Variants in BPTF observed in about 807,000 individuals in gnomAD.
The protein encoded by BPTF is bromodomain PHD finger transcription factor.
Under a neutral mutation model 292.5 loss-of-function variants are expected in BPTF, and 18 were observed. That is an observed-to-expected ratio of 0.06 (90% confidence interval 0.04 to 0.09). The LOEUF is 0.09. Ranked by LOEUF, BPTF falls within the 10% of genes least tolerant of loss-of-function variation. The pLI, the probability that BPTF is intolerant of heterozygous loss-of-function variation, is 1.00. For missense variants in BPTF, 2,726 were observed against 3,498.7 expected (o/e 0.78, Z 5.57); for synonymous variants, 1,225 against 1,251.9 (o/e 0.98, Z 0.45).
rs78127682 is a variant in BPTF at position 67,859,431 on chromosome 17, C to T, written c.1436+4669C>T. Reference sequence around the variant, plus strand: ...AAAATCATAGGGTTACAGGCCTGAGCCACCATGCCCTGCCTTGCAGGCACT... The same window carrying T: ...AAAATCATAGGGTTACAGGCCTGAGTCACCATGCCCTGCCTTGCAGGCACT... On this transcript the variant is annotated intron_variant, in intron 2 of 27. Coordinates refer to ENST00000306378, the MANE Select transcript of BPTF (RefSeq NM_182641.4). 3.9e-4 allele frequency among the ~76,000 whole-genome samples: 59 copies of T among 152,338 alleles called. No homozygotes were observed. The East Asian group carries it at 0.01, about 27-fold the overall frequency.
Position 67,944,528 on chromosome 17 carries a change from GC to G in BPTF, c.6700+157del, listed in dbSNP as rs1296462955. 9 of 765,388 alleles carry G rather than the reference GC, an allele frequency of 1.2e-5. No individual in the cohort carries two copies. The African/African-American group carries it at 1.6e-4, about 13-fold the overall frequency. 47.4% of individuals were successfully genotyped at this position (765,388 alleles called of 1,614,324 possible). A position where few individuals can be genotyped will look rare whatever the true frequency, so the allele number is the denominator to read the frequency against. On this transcript the variant is annotated intron_variant, in intron 20 of 27. Coordinates refer to ENST00000306378, the MANE Select transcript of BPTF (RefSeq NM_182641.4). ...ATAGTCAGCCTCACAACGTCTCGAA[GC>G]TTTTGTACCCTATTCTTACAGACTC...
intron 1 of BPTF, among the ~76,000 whole-genome samples, chr17:67,831,797 T>G (rs2056706075): frequency 6.6e-6 from 1 of 152,132 alleles, no homozygotes; most frequent in Non-Finnish European, 1.5e-5. Flanking sequence ...CTTCCCTGAG[T>G]CCTGTTTTGC....
At chr17:67,961,441 A>G (rs769959435) in intron 24 of BPTF, among the ~76,000 whole-genome samples, 1 of 151,332 alleles carries the variant, frequency 6.6e-6, no homozygotes, top group East Asian at 2.1e-4. Flanking sequence ...ACTGAAATTC[A>G]AGTCCTGAAC....
At chr17:67,857,994 G>T (rs1309520640) in intron 2 of BPTF, among the ~76,000 whole-genome samples, 1 of 150,792 alleles carries the variant, frequency 6.6e-6, no homozygotes, top group Non-Finnish European at 1.5e-5. Flanking sequence ...CACCATATTG[G>T]CCAGGCTGGT....
chr17:67,886,375 TTGTGTG>T, intron 4 of BPTF: 1 of 1,221,690 alleles, frequency 8.2e-7, no homozygotes. Context: ...TTTCTTTTTT[TTGTGTG>T]TGTGTGTGTG....
chr17:67,918,636 T>G, intron 11 of BPTF, 78 bp from the exon 12 acceptor site: 1 of 1,364,352 alleles, frequency 7.3e-7, no homozygotes, highest in African/African-American at 1.4e-5. Flanking sequence ...GCCCTTCAGT[T>G]TAGTAGAGTG....
At chr17:67,968,687 C>G (rs1247068274) in intron 26 of BPTF, among the ~76,000 whole-genome samples, 1 of 150,656 alleles carries the variant, frequency 6.6e-6, no homozygotes, top group Non-Finnish European at 1.5e-5. Flanking sequence ...ACTCAGGAGG[C>G]TGAGGCAGGA....
At chr17:67,875,963 C>T (rs1294215590) in intron 4 of BPTF, among the ~76,000 whole-genome samples, 1 of 152,114 alleles carries the variant, frequency 6.6e-6, no homozygotes, top group Non-Finnish European at 1.5e-5. Context: ...GCTTCTTAAA[C>T]TTCATTTAGC....
Position 67,959,644 on chromosome 17 carries a change from C to CTCCAGCCCT in BPTF, c.8038_8039insTTCCAGCCC (p.Ala2679_Pro2680insLeuProAla). On this transcript the variant is annotated inframe_insertion, in exon 24 of 28. Transcript: ENST00000306378. Reference sequence around the variant, plus strand: ...CCCTGCCCCCCAGTGACACCAGCTCCTCCAGCCCCTCCAGCCCCTCCACCT... The same window carrying CTCCAGCCCT: ...CCCTGCCCCCCAGTGACACCAGCTCCTCCAGCCCTTCCAGCCCCTCCAGCCCCTCCACCT... The CTCCAGCCCT allele has an allele frequency of 1.2e-6, 2 of 1,603,456 alleles. No individual in the cohort carries two copies. The highest frequency in any genetic ancestry group is 8.5e-7 in the Non-Finnish European group (1 of 1,175,506).
At position 67,875,690 on chromosome 17, in the gene BPTF, A is replaced by G. The variant is rs1368311717; in HGVS notation, c.1864+670A>G. 2.1e-5 allele frequency: 34 copies of G among 1,606,392 alleles called. No homozygotes were observed. Among genetic ancestry groups the G allele is most frequent in the Non-Finnish European group, 2.9e-5 (34 of 1,176,270 alleles). ...GGGGTGTCTCTCAGAAACCCCCGAT[A>G]GCAGCAACATGGCAGAGAAGAAGGT... is the stretch of plus-strand genomic sequence containing the variant. On this transcript the variant is annotated intron_variant, in intron 4 of 27. Transcript: ENST00000306378.
Position 67,825,999 on chromosome 17 carries a change from G to C in BPTF, c.275G>C (p.Arg92Pro). 2 of 1,121,582 alleles carry C rather than the reference G, an allele frequency of 1.8e-6. No homozygotes were observed. The highest frequency in any genetic ancestry group is 2.2e-6 in the Non-Finnish European group (2 of 914,212). 69.5% of individuals were successfully genotyped at this position (1,121,582 alleles called of 1,614,324 possible). A position where few individuals can be genotyped will look rare whatever the true frequency, so the allele number is the denominator to read the frequency against. ...CCCCCCAGCACCAGCGCCCCGGGCC[G>C]GGGGGGGCGAGGAGGCGGGGGCGGC... is the stretch of plus-strand genomic sequence containing the variant. ...PAPPSTSAPGRGGRGGGGGRT... is the reference protein window; with the variant it reads ...PAPPSTSAPGPGGRGGGGGRT... Residue 92 changes from arginine (R) to proline (P), a missense_variant, in exon 1 of 28, where the codon CGG becomes CCG. By Grantham distance (103) the Arg-to-Pro change is moderately radical. This residue lies in a region of BPTF where 103 missense variants were observed against 72.1 expected (regional missense o/e 1.43). Coordinates refer to ENST00000306378, the MANE Select transcript of BPTF (RefSeq NM_182641.4).
intron 4 of BPTF, among the ~76,000 whole-genome samples, chr17:67,881,710 C>T (rs1013858994): frequency 1.3e-5 from 2 of 151,656 alleles, no homozygotes; most frequent in Admixed American, 6.6e-5. Context: ...CACATGTTGG[C>T]CAGGCTGGTC....
At position 67,982,589 on chromosome 17, in the gene BPTF, A is replaced by G. The variant is rs527931307; in HGVS notation, c.*301A>G. ...AAAGAAAGCAAGAAAAAAAGATACTATGGGGTCAAGTGTAACTCCATGGAA... is the reference window on the plus strand; with the variant it reads ...AAAGAAAGCAAGAAAAAAAGATACTGTGGGGTCAAGTGTAACTCCATGGAA... On this transcript the variant is annotated 3_prime_UTR_variant, in exon 28 of 28. Transcript: ENST00000306378. 1.2e-3 allele frequency: 321 copies of G among 262,018 alleles called. No homozygotes were observed. Among genetic ancestry groups the G allele is most frequent in the Admixed American group, 3.4e-3 (64 of 18,620 alleles). The allele number at this position is 262,018 out of a possible 1,614,324, so 16.2% of individuals were successfully genotyped here.
intron 1 of BPTF, among the ~76,000 whole-genome samples, chr17:67,839,345 T>A (rs1167235078): frequency 6.6e-6 from 1 of 152,020 alleles, no homozygotes; most frequent in Non-Finnish European, 1.5e-5. Flanking sequence ...TAAAAAAAAA[T>A]CAGCTATGGC....
chr17:67,966,504 C>T, intron 25 of BPTF, 68 bp from the exon 26 acceptor site: 1 of 1,429,044 alleles, frequency 7.0e-7, no homozygotes, highest in Non-Finnish European at 9.8e-7. Context: ...GATGTAGTAA[C>T]TCAACCAGGA....
chr17:67,941,509 G>A (rs1406886041), intron 19 of BPTF, among the ~76,000 whole-genome samples: 3 of 152,176 alleles, frequency 2.0e-5, no homozygotes, highest in Non-Finnish European at 4.4e-5. Flanking sequence ...GTGAGGTACA[G>A]ACATAAGGAG....
At chr17:67,907,331 A>G (rs913551743) in intron 9 of BPTF, among the ~76,000 whole-genome samples, 2 of 150,276 alleles carry the variant, frequency 1.3e-5, no homozygotes, top group East Asian at 1.9e-4. Flanking sequence ...GAACTCATTC[A>G]GCTTCAACAA....
chr17:67,869,526 ATTC>A (rs1177451872), intron 3 of BPTF, among the ~76,000 whole-genome samples: 3 of 152,180 alleles, frequency 2.0e-5, no homozygotes, highest in Non-Finnish European at 2.9e-5. Context: ...AGATACTTAA[ATTC>A]TTCTTCCTCT....
At chr17:67,974,608 C>A (rs1216344409) in intron 26 of BPTF, 1 of 152,268 alleles carries the variant, frequency 6.6e-6, no homozygotes, top group Non-Finnish European at 1.5e-5. Flanking sequence ...TTCCCACAAA[C>A]CTCTCCTAAG....
Sources: gnomAD v4.1 joint callset for allele counts (sites outside exome capture counted in the v4.1 genomes callset) on GRCh38, gnomAD v4.1.1 for gene constraint, gnomAD v4.1.1 regional missense constraint, MANE v1.5 for transcripts, NCBI Gene and HGNC (gene_info 2026-07-23, HGNC 2026-07-21) for gene names.